ZNF90: variants seen among roughly 807,000 people sequenced by gnomAD.
The protein encoded by ZNF90 is zinc finger protein 90, also known as zinc finger protein HTF9.
Under a neutral mutation model 12.0 loss-of-function variants are expected in ZNF90, and 11 were observed. The ratio of observed to expected loss-of-function variants is 0.92; its 90% CI spans 0.58 to 1.52. ZNF90 has a LOEUF of 1.52. ZNF90 is among the 40% of genes most tolerant of loss of function. The pLI is 0.00. For synonymous variants in ZNF90, 232 were observed against 240.1 expected (o/e 0.97, Z 0.31); for missense variants, 765 against 711.5 (o/e 1.08, Z -0.86).
At chr19:20,099,033 ATAAT>A (rs2088969672) in intron 1 of ZNF90, among the ~76,000 whole-genome samples, 1 of 152,190 alleles carries the variant, frequency 6.6e-6, no homozygotes, top group Non-Finnish European at 1.5e-5. Flanking sequence ...AACTGGATAA[ATAAT>A]TGAATTATGC....
chr19:20,104,720 C>T (rs546194466), intron 2 of ZNF90, among the ~76,000 whole-genome samples: 87 of 152,294 alleles, frequency 5.7e-4, no homozygotes, highest in African/African-American at 1.4e-3. Flanking sequence ...TAGGACAAGG[C>T]GCAGTGGCTC....
chr19:20,118,883 T>C lies in ZNF90; in HGVS notation c.1329T>C (p.His443=). 1.2e-6 allele frequency: 2 copies of C among 1,611,658 alleles called. No homozygotes were observed. The highest frequency in any genetic ancestry group is 2.2e-5 in the South Asian group (2 of 90,780). ...VFKRSSALST[H]KIIHSGEKPY... is the part of the protein sequence containing the mutation. ...AACGCTCCTCAGCCCTTAGCACACATAAGATAATTCATAGTGGAGAGAAAC... is the reference window on the plus strand; with the variant it reads ...AACGCTCCTCAGCCCTTAGCACACACAAGATAATTCATAGTGGAGAGAAAC... Residue 443 remains histidine, a synonymous_variant, in exon 4 of 4, where the codon CAT becomes CAC. Coordinates refer to ENST00000418063, the MANE Select transcript of ZNF90 (RefSeq NM_007138.2).
chr19:20,098,293 A>G (rs993447739), intron 1 of ZNF90, among the ~76,000 whole-genome samples: 2 of 152,212 alleles, frequency 1.3e-5, no homozygotes, highest in Admixed American at 1.3e-4. Flanking sequence ...AAACTAACAA[A>G]AGGCATTTTC....
At chr19:20,115,394 C>T (rs1391798014) in intron 3 of ZNF90, among the ~76,000 whole-genome samples, 1 of 145,436 alleles carries the variant, frequency 6.9e-6, no homozygotes, top group African/African-American at 2.5e-5. Flanking sequence ...ATTCTTGTAT[C>T]TTTGTCTCTC....
At chr19:20,104,548 C>T (rs1555704207) in intron 2 of ZNF90, among the ~76,000 whole-genome samples, 183 bp downstream of exon 2, 1 of 152,152 alleles carries the variant, frequency 6.6e-6, no homozygotes, top group East Asian at 1.9e-4. Flanking sequence ...TTAATTTAAA[C>T]TTTCCACTTT....
chr19:20,115,289 C>T (rs1163338111), intron 3 of ZNF90, among the ~76,000 whole-genome samples: 3 of 151,886 alleles, frequency 2.0e-5, no homozygotes, highest in Admixed American at 2.0e-4. Flanking sequence ...GAAAGAATGT[C>T]TCTTGATTGG....
chr19:20,118,684 C>G lies in ZNF90; in HGVS notation c.1130C>G (p.Ala377Gly), dbSNP rs1555706111. The change falls in exon 4 of 4, where the codon GCA (alanine) becomes GGA (glycine). Residue 377 changes from alanine (A) to glycine (G), a missense_variant. By Grantham distance (60) the Ala-to-Gly change is moderately conservative. Transcript: ENST00000418063. ...KPYKCDKCGK[A>G]FISSSLLYKH... ...TACAAGTGTGATAAATGTGGCAAAG[C>G]ATTTATTTCATCCTCACTCCTTTAT... 1 of 1,566,496 alleles carries G rather than the reference C, an allele frequency of 6.4e-7. No individual in the cohort carries two copies. The highest frequency in any genetic ancestry group is 8.6e-7 in the Non-Finnish European group (1 of 1,156,614).
chr19:20,088,403 A>G (rs1014920274), intron 1 of ZNF90, among the ~76,000 whole-genome samples: 1 of 152,164 alleles, frequency 6.6e-6, no homozygotes, highest in Non-Finnish European at 1.5e-5. Flanking sequence ...GTTTTGGATC[A>G]ATTGAGAAAC....
At chr19:20,079,115 C>CAAAAAA (rs139573879) in intron 1 of ZNF90, among the ~76,000 whole-genome samples, 53 of 68,780 alleles carry the variant, frequency 7.7e-4, no homozygotes, top group African/African-American at 2.2e-3. Context: ...GGAGAGTCCT[C>CAAAAAA]AAAAAAAAAA....
At chr19:20,111,328 T>C (rs1198107531) in intron 3 of ZNF90, among the ~76,000 whole-genome samples, 1 of 152,036 alleles carries the variant, frequency 6.6e-6, no homozygotes, top group Non-Finnish European at 1.5e-5. Context: ...CAGGTGATGA[T>C]CTCATTTCAG....
chr19:20,101,814 G>A (rs1385944616), intron 1 of ZNF90, among the ~76,000 whole-genome samples: 2 of 152,192 alleles, frequency 1.3e-5, no homozygotes, highest in Non-Finnish European at 2.9e-5. Flanking sequence ...ATGCAGAGCT[G>A]TGTCCACTTT....
intron 1 of ZNF90, among the ~76,000 whole-genome samples, chr19:20,097,156 G>C (rs782288376): frequency 1.3e-5 from 2 of 152,154 alleles, no homozygotes; most frequent in African/African-American, 2.4e-5. Context: ...ACACTTAATT[G>C]TGTAATAAAA....
chr19:20,119,596 G>A lies in ZNF90; in HGVS notation c.*236G>A. 2 of 417,724 alleles carry A rather than the reference G, an allele frequency of 4.8e-6. No individual in the cohort carries two copies. Among genetic ancestry groups the A allele is most frequent in the Non-Finnish European group, 8.4e-6 (2 of 238,460 alleles). The allele number at this position is 417,724 out of a possible 1,614,324, so 25.9% of individuals were successfully genotyped here. A position where few individuals can be genotyped will look rare whatever the true frequency, so the allele number is the denominator to read the frequency against. On this transcript the variant is annotated 3_prime_UTR_variant, in exon 4 of 4. Coordinates refer to ENST00000418063, the MANE Select transcript of ZNF90 (RefSeq NM_007138.2). ...AAACTCTACAGGTGTGAAAAATGCAGCAAAGCCTATAACAAGTTCTCAATT... is the reference window on the plus strand; with the variant it reads ...AAACTCTACAGGTGTGAAAAATGCAACAAAGCCTATAACAAGTTCTCAATT...
At chr19:20,081,826 G>T (rs1412107536) in intron 1 of ZNF90, among the ~76,000 whole-genome samples, 1 of 150,450 alleles carries the variant, frequency 6.6e-6, no homozygotes, top group East Asian at 2.0e-4. Context: ...GTGCAGTGGC[G>T]AGATCTCGGC....
chr19:20,098,569 C>T (rs2088965957), intron 1 of ZNF90, among the ~76,000 whole-genome samples: 2 of 152,172 alleles, frequency 1.3e-5, no homozygotes, highest in Non-Finnish European at 2.9e-5. Flanking sequence ...TTTCTCTTAT[C>T]CAAGAGCTAG....
In ZNF90 at chr19:20,104,398, T is replaced by C. The variant is rs782663446; in HGVS notation, c.130+33T>C. The C allele has an allele frequency of 8.2e-6, 13 of 1,592,778 alleles. No individual in the cohort carries two copies. In the South Asian group the frequency reaches 1.5e-4, roughly 18 times the overall value. Reference sequence around the variant, plus strand: ...TAAGTGGAATACATAATTCATAATATACCCTAAAGGTTGTTTTTATGTTTT... The same window carrying C: ...TAAGTGGAATACATAATTCATAATACACCCTAAAGGTTGTTTTTATGTTTT... On this transcript the variant is annotated intron_variant, in intron 2 of 3. Transcript: ENST00000418063.
intron 3 of ZNF90, among the ~76,000 whole-genome samples, chr19:20,116,724 A>C (rs887627749): frequency 1.3e-5 from 2 of 152,064 alleles, no homozygotes; most frequent in Admixed American, 1.3e-4. Flanking sequence ...TCTTGTCTAA[A>C]TTTTGTGTTT....
chr19:20,117,397 C>CTCCCTTCCTTCCT (rs1555705794), intron 3 of ZNF90, among the ~76,000 whole-genome samples: 3 of 91,346 alleles, frequency 3.3e-5, no homozygotes, highest in African/African-American at 2.1e-4. Flanking sequence ...CTTTTCTTTT[C>CTCCCTTCCTTCCT]TCCTTCCTTC....
intron 3 of ZNF90, among the ~76,000 whole-genome samples, chr19:20,113,819 C>T (rs1400778548): frequency 2.6e-5 from 4 of 152,028 alleles, no homozygotes; most frequent in East Asian, 2.0e-4. Flanking sequence ...CAGAGTGAGA[C>T]CTGGTCTCAA....
Sources: gnomAD v4.1 joint callset for allele counts (sites outside exome capture counted in the v4.1 genomes callset) on GRCh38, gnomAD v4.1.1 for gene constraint, MANE v1.5 for transcripts, NCBI Gene and HGNC (gene_info 2026-07-23, HGNC 2026-07-21) for gene names.